The following AGPS variants were observed in gnomAD, a reference collection of about 807,000 sequenced individuals.
The protein encoded by AGPS is alkylglycerone phosphate synthase.
In AGPS, 26 loss-of-function variants were observed where a neutral mutation model predicts 90.7. That is an observed-to-expected ratio of 0.29 (90% CI 0.21 to 0.40). The LOEUF is 0.40. Among genes scored for constraint, AGPS ranks in the 10% least tolerant of loss-of-function variants. AGPS has a pLI of 1.00. For synonymous variants in AGPS, 294 were observed against 285.3 expected (o/e 1.03, Z -0.31); for missense variants, 540 against 816.1 (o/e 0.66, Z 4.12).
At chr2:177,524,365 C>A (rs959590559) in intron 19 of AGPS, among the ~76,000 whole-genome samples, 1 of 152,084 alleles carries the variant, frequency 6.6e-6, no homozygotes, top group Non-Finnish European at 1.5e-5. Context: ...AAAATTATTA[C>A]AATATGTCTA....
chr2:177,498,935 A>G (rs1688483471), intron 13 of AGPS, among the ~76,000 whole-genome samples: 1 of 151,774 alleles, frequency 6.6e-6, no homozygotes, highest in Non-Finnish European at 1.5e-5. Context: ...CCTTGTTATC[A>G]CCATCACCTA....
At chr2:177,459,366 T>C (rs1339056950) in intron 8 of AGPS, among the ~76,000 whole-genome samples, 7 of 152,072 alleles carry the variant, frequency 4.6e-5, no homozygotes, top group Non-Finnish European at 1.0e-4. Flanking sequence ...AAAGAAACTA[T>C]CATCAGAGTG....
At chr2:177,510,538 T>A (rs760552058) in intron 16 of AGPS, among the ~76,000 whole-genome samples, 6 of 152,214 alleles carry the variant, frequency 3.9e-5, no homozygotes, top group Non-Finnish European at 7.3e-5. Context: ...ATGATTGACA[T>A]CTTGTTTTTT....
intron 10 of AGPS, among the ~76,000 whole-genome samples, chr2:177,474,377 CAAA>C (rs1452168557): frequency 6.6e-6 from 1 of 151,974 alleles, no homozygotes; most frequent in East Asian, 1.9e-4. Flanking sequence ...AAGCTCTCAG[CAAA>C]AAAAGGGGTT....
At chr2:177,504,499 A>G (rs1688652726) in intron 14 of AGPS, among the ~76,000 whole-genome samples, 1 of 152,100 alleles carries the variant, frequency 6.6e-6, no homozygotes, top group Non-Finnish European at 1.5e-5. Context: ...AGAGCTGCTT[A>G]TATCAAATCT....
chr2:177,430,893 C>A (rs1036992381), intron 2 of AGPS, among the ~76,000 whole-genome samples: 6 of 152,060 alleles, frequency 3.9e-5, no homozygotes, highest in Admixed American at 1.3e-4. Flanking sequence ...ACTTAGAAAT[C>A]ACAAGTTAGT....
At chr2:177,500,340 TG>T (rs1688523856) in intron 14 of AGPS, among the ~76,000 whole-genome samples, 1 of 152,072 alleles carries the variant, frequency 6.6e-6, no homozygotes, top group Non-Finnish European at 1.5e-5. Context: ...ATCAGGACTA[TG>T]TTTTTTCCTT....
intron 10 of AGPS, among the ~76,000 whole-genome samples, chr2:177,474,688 T>A (rs1224037228): frequency 6.6e-6 from 1 of 152,206 alleles, no homozygotes; most frequent in African/African-American, 2.4e-5. Context: ...ATATATTTTT[T>A]AAAAAACAAA....
At chr2:177,506,921 A>G (rs1026239233) in intron 15 of AGPS, among the ~76,000 whole-genome samples, 1 of 152,056 alleles carries the variant, frequency 6.6e-6, no homozygotes, top group African/African-American at 2.4e-5. Context: ...AGAATTCTAG[A>G]AAATGAAATA....
In AGPS at chr2:177,499,749, A is replaced by G. The variant is rs779908430; in HGVS notation, c.1475+19A>G. On this transcript the variant is annotated intron_variant, in intron 14 of 19. Coordinates refer to ENST00000264167, the MANE Select transcript of AGPS (RefSeq NM_003659.4). ...AATTTGGGTATGGCTTCAAGTTCAT[A>G]ATGCCAAGAGAAAGAGTTAAAAGCT... 8 of 1,470,456 alleles carry G rather than the reference A, an allele frequency of 5.4e-6. No individual in the cohort carries two copies. The highest frequency in any genetic ancestry group is 7.6e-6 in the Non-Finnish European group (8 of 1,050,054). 91.1% of individuals were successfully genotyped at this position (1,470,456 alleles called of 1,614,324 possible).
At chr2:177,529,424 C>T (rs543269784) in intron 19 of AGPS, among the ~76,000 whole-genome samples, 7 of 151,958 alleles carry the variant, frequency 4.6e-5, no homozygotes, top group Admixed American at 1.3e-4. Flanking sequence ...GAGCTGGCAT[C>T]GCACCACTGC....
In AGPS at chr2:177,540,396, G is replaced by A. The variant is rs559815302; in HGVS notation, c.*2201G>A. 7.9e-5 allele frequency: 12 copies of A among 151,934 alleles called. No individual in the cohort carries two copies. In the South Asian group the frequency reaches 1.2e-3, roughly 16 times the overall value. The allele number at this position is 151,934 out of a possible 1,614,324, so 9.4% of individuals were successfully genotyped here. On this transcript the variant is annotated 3_prime_UTR_variant, in exon 20 of 20. Coordinates refer to ENST00000264167, the MANE Select transcript of AGPS (RefSeq NM_003659.4). ...TTTTGTAGGTGGAATCATTTCTACCGAAATCATTTTGAAACACAAGAATAT... is the reference window on the plus strand; with the variant it reads ...TTTTGTAGGTGGAATCATTTCTACCAAAATCATTTTGAAACACAAGAATAT...
chr2:177,477,361 C>G (rs1340977526), intron 10 of AGPS, among the ~76,000 whole-genome samples: 3 of 151,972 alleles, frequency 2.0e-5, no homozygotes, highest in African/African-American at 7.2e-5. Flanking sequence ...CAATACATTG[C>G]TAACATTACC....
At chr2:177,491,167 T>C (rs1242581047) in intron 11 of AGPS, among the ~76,000 whole-genome samples, 1 of 151,860 alleles carries the variant, frequency 6.6e-6, no homozygotes, top group African/African-American at 2.4e-5. Context: ...GTTGCAGACT[T>C]TACAGCACTT....
Position 177,542,505 on chromosome 2 carries a change from G to T in AGPS, c.*4310G>T, listed in dbSNP as rs1182690377. 6.6e-6 allele frequency: 1 copy of T among 152,078 alleles called. No homozygotes were observed. Among genetic ancestry groups the T allele is most frequent in the African/African-American group, 2.4e-5 (1 of 41,402 alleles). The allele number at this position is 152,078 out of a possible 1,614,324, so 9.4% of individuals were successfully genotyped here. On this transcript the variant is annotated 3_prime_UTR_variant, in exon 20 of 20. Transcript: ENST00000264167. The stretch of plus-strand genomic sequence containing the variant: ...AACTTTAGTTCTGTGAACATGAAAA[G>T]ATTTCTTTTTTGGTTTCCAAAGGAG...
At chr2:177,535,604 A>C (rs1394579233) in intron 19 of AGPS, among the ~76,000 whole-genome samples, 1 of 152,216 alleles carries the variant, frequency 6.6e-6, no homozygotes, top group Non-Finnish European at 1.5e-5. Flanking sequence ...GGGTAACTAC[A>C]TAAGGTTCTC....
intron 10 of AGPS, among the ~76,000 whole-genome samples, chr2:177,479,765 G>C (rs1009613117): frequency 7.9e-5 from 12 of 152,226 alleles, no homozygotes; most frequent in Non-Finnish European, 1.3e-4. Context: ...TATGGCTAGG[G>C]TGTGGGAGTA....
intron 17 of AGPS, among the ~76,000 whole-genome samples, chr2:177,516,343 G>T (rs1689022861): frequency 6.6e-6 from 1 of 152,036 alleles, no homozygotes; most frequent in South Asian, 2.1e-4. Flanking sequence ...TAGTCATTGA[G>T]TCTAATACAA....
At chr2:177,533,269 C>T (rs1451827596) in intron 19 of AGPS, among the ~76,000 whole-genome samples, 1 of 152,144 alleles carries the variant, frequency 6.6e-6, no homozygotes, top group Non-Finnish European at 1.5e-5. Flanking sequence ...CCAACTTAAC[C>T]CACAATTTAA....
Sources: gnomAD v4.1 joint callset for allele counts (sites outside exome capture counted in the v4.1 genomes callset) on GRCh38, gnomAD v4.1.1 for gene constraint, MANE v1.5 for transcripts, NCBI Gene and HGNC (gene_info 2026-07-23, HGNC 2026-07-21) for gene names.